The following NRL variants were observed in gnomAD, a reference collection of about 807,000 sequenced individuals.
NRL encodes neural retina-specific leucine zipper protein.
Under a neutral mutation model 12.5 loss-of-function variants are expected in NRL, and 16 were observed. That is an observed-to-expected ratio of 1.28 (90% CI 0.87 to 1.95). NRL has a LOEUF of 1.95. Among genes scored for constraint, NRL ranks in the 30% most tolerant of loss-of-function variants. NRL has a pLI of 0.00. For missense variants in NRL, 314 were observed against 325.8 expected, an observed-to-expected ratio of 0.96 and a Z score of 0.28; for synonymous variants, 142 against 150.9, an observed-to-expected ratio of 0.94 and a Z score of 0.43.
intron 1 of NRL, chr14:24,098,620 G>A (rs771882629): frequency 2.7e-5 from 44 of 1,613,910 alleles, no homozygotes; most frequent in Non-Finnish European, 3.1e-5. Context: ...TTCAGGCCCT[G>A]GGAGATGGTG....
intron 1 of NRL, among the ~76,000 whole-genome samples, chr14:24,087,891 A>G (rs2036504111): frequency 6.6e-6 from 1 of 152,170 alleles, no homozygotes; most frequent in Non-Finnish European, 1.5e-5. Flanking sequence ...AGCCTGGGCA[A>G]CATGGCAAAA....
At chr14:24,102,431 G>T (rs758471949) in intron 1 of NRL, among the ~76,000 whole-genome samples, 44 of 152,056 alleles carry the variant, frequency 2.9e-4, no homozygotes, top group Non-Finnish European at 5.1e-4. Context: ...ATAACCTTAT[G>T]CCCATATCTA....
chr14:24,081,590 A>G lies in NRL; in HGVS notation c.382-22T>C, dbSNP rs957144444. On this transcript the variant is annotated intron_variant, in intron 2 of 2. Transcript: ENST00000561028. This position sits in a 1 kb window ranked among gnomAD's most constrained non-coding sequence, Gnocchi z 4.4. ...CCAGCTGCGGAGGGAGAATGCAGAA[A>G]CCGGGTCAGCGCCAGGTCGCACCCG... 5.7e-6 allele frequency: 9 copies of G among 1,573,882 alleles called. No homozygotes were observed. The highest frequency in any genetic ancestry group is 6.9e-6 in the Non-Finnish European group (8 of 1,161,352).
intron 1 of NRL, among the ~76,000 whole-genome samples, chr14:24,086,593 C>T (rs777663887): frequency 1.3e-5 from 2 of 152,228 alleles, no homozygotes; most frequent in Non-Finnish European, 2.9e-5. Flanking sequence ...CCAAAGTGGA[C>T]ACCCAGGAAA....
rs758620885 is a variant in NRL, at chr14:24,082,808, T to G, written c.41A>C (p.Asn14Thr). The G allele has an allele frequency of 1.2e-6, 2 of 1,613,982 alleles. No homozygotes were observed. The highest frequency in any genetic ancestry group is 8.5e-7 in the Non-Finnish European group (1 of 1,179,996). ...PPSPLAMEYV[N>T]DFDLMKFEVK... ...CTCAAACTTCATCAAGTCAAAGTCA[T>G]TGACATATTCCATGGCCAGGGGGCT... Residue 14 changes from asparagine to threonine, a missense_variant, in exon 2 of 3, where the codon AAT (asparagine) becomes ACT (threonine). By Grantham distance (65) the Asn-to-Thr change is moderately conservative. Transcript: ENST00000561028.
At position 24,097,113 on chromosome 14, in the gene NRL, G is replaced by A. The variant is rs112490159; in HGVS notation, c.-27-14238C>T. The A allele has an allele frequency of 2.0e-5, 32 of 1,613,956 alleles. No homozygotes were observed. Among genetic ancestry groups the A allele is most frequent in the East Asian group, 1.3e-4 (6 of 44,882 alleles). On this transcript the variant is annotated intron_variant, in intron 1 of 2. Transcript: ENST00000561028. ...CTGCTGGAGCAGCAGGGCCTCATCC[G>A]AAAGCTCCCCAAGTACAATAACTGG...
At chr14:24,086,555 C>T (rs947883354) in intron 1 of NRL, among the ~76,000 whole-genome samples, 1 of 152,212 alleles carries the variant, frequency 6.6e-6, no homozygotes, top group Admixed American at 6.5e-5. Context: ...GGCAGGACCC[C>T]ACACACATGC....
intron 1 of NRL, among the ~76,000 whole-genome samples, chr14:24,096,331 C>T (rs941035903): frequency 2.8e-5 from 4 of 144,662 alleles, no homozygotes; most frequent in South Asian, 2.2e-4. Flanking sequence ...CTCCACCTCC[C>T]GGGTTCAAGC....
intron 1 of NRL, chr14:24,110,199 C>A (rs1429997796): frequency 5.9e-6 from 1 of 168,406 alleles, no homozygotes; most frequent in Non-Finnish European, 1.4e-5. Context: ...TGGCTCACTG[C>A]AGCCTTGACC....
At chr14:24,103,544 G>A (rs1192401422) in intron 1 of NRL, 1 of 1,565,282 alleles carries the variant, frequency 6.4e-7, no homozygotes, top group East Asian at 2.3e-5. Context: ...TTGCCATGCG[G>A]CCCTTTTTTG....
chr14:24,103,039 G>A (rs868742031), intron 1 of NRL: 9 of 1,198,898 alleles, frequency 7.5e-6, no homozygotes, highest in Middle Eastern at 1.9e-4. Context: ...AGGAGGCAAA[G>A]GGTCTGAAAA....
chr14:24,083,280 G>A (rs1375469831), intron 1 of NRL, among the ~76,000 whole-genome samples: 1 of 152,180 alleles, frequency 6.6e-6, no homozygotes. Flanking sequence ...CAAAGTGAGT[G>A]TATATTTTAG....
chr14:24,107,738 A>G (rs1442471842), intron 1 of NRL, among the ~76,000 whole-genome samples: 5 of 152,204 alleles, frequency 3.3e-5, no homozygotes, highest in Admixed American at 6.5e-5. Context: ...GTCTAAATGC[A>G]TTAACTCACT....
chr14:24,103,505 C>G lies in NRL; in HGVS notation c.-28+11217G>C, dbSNP rs751666369. Reference sequence around the variant, plus strand: ...GATTCCTTACCCATCTTGCTTCCCCCCCAGGGAAGATCATCATGCACGACC... The same window carrying G: ...GATTCCTTACCCATCTTGCTTCCCCGCCAGGGAAGATCATCATGCACGACC... On this transcript the variant is annotated intron_variant, in intron 1 of 2. Coordinates refer to ENST00000561028, the MANE Select transcript of NRL (RefSeq NM_001354768.3). The G allele has an allele frequency of 1.4e-5, 21 of 1,541,936 alleles. No individual in the cohort carries two copies. The highest frequency in any genetic ancestry group is 5.1e-5 in the South Asian group (4 of 78,808).
chr14:24,095,327 T>C (rs1387088505), intron 1 of NRL: 5 of 429,302 alleles, frequency 1.2e-5, no homozygotes, highest in Non-Finnish European at 2.4e-5. Flanking sequence ...GACTGTGTGC[T>C]TGAAAACTGA....
At chr14:24,083,059 G>A (rs2036369508) in intron 1 of NRL, among the ~76,000 whole-genome samples, 184 bp from the exon 2 acceptor site, 1 of 152,186 alleles carries the variant, frequency 6.6e-6, no homozygotes, top group Non-Finnish European at 1.5e-5. Flanking sequence ...AGAGGGCAGG[G>A]GCTCCTGACA....
Position 24,094,317 on chromosome 14 carries a change from C to A in NRL, c.-27-11442G>T, listed in dbSNP as rs1486039599. The A allele has an allele frequency of 1.5e-6, 2 of 1,324,286 alleles. No homozygotes were observed. Among genetic ancestry groups the A allele is most frequent in the Non-Finnish European group, 2.1e-6 (2 of 958,928 alleles). 82.0% of individuals were successfully genotyped at this position (1,324,286 alleles called of 1,614,324 possible). A position where few individuals can be genotyped will look rare whatever the true frequency, so the allele number is the denominator to read the frequency against. On this transcript the variant is annotated intron_variant, in intron 1 of 2. Coordinates refer to ENST00000561028, the MANE Select transcript of NRL (RefSeq NM_001354768.3). The surrounding 1 kb of genome is among the most constrained non-coding windows in gnomAD (Gnocchi z 4.1). Reference sequence around the variant, plus strand: ...CCTCCCGCCAGCCTCTGCTGTGGCTCGCTTCGCCGCGCTCCCTCCTTCCCC... The same window carrying A: ...CCTCCCGCCAGCCTCTGCTGTGGCTAGCTTCGCCGCGCTCCCTCCTTCCCC...
At chr14:24,099,478 C>A in intron 1 of NRL, 2 of 1,340,132 alleles carry the variant, frequency 1.5e-6, no homozygotes, top group Non-Finnish European at 2.1e-6. Context: ...CCCTATTAGA[C>A]CCTAGCTGCC....
Position 24,079,037 on chromosome 14 carries a change from T to C in NRL, c.*2199A>G, listed in dbSNP as rs980025425. Among the ~76,000 whole-genome samples, 2 of 152,204 alleles carry C rather than the reference T, an allele frequency of 1.3e-5. No homozygotes were observed. The highest frequency in any genetic ancestry group is 4.8e-5 in the African/African-American group (2 of 41,448). The stretch of plus-strand genomic sequence containing the variant: ...CCCAGGCTGGTCTCAAACTTCCTCC[T>C]TGGCCTCCCAAAGTGTTGGGATTAC... On this transcript the variant is annotated 3_prime_UTR_variant, in exon 3 of 3. Coordinates refer to ENST00000561028, the MANE Select transcript of NRL (RefSeq NM_001354768.3).
Sources: allele counts gnomAD v4.1 joint callset (sites outside exome capture counted in the v4.1 genomes callset), GRCh38; gene constraint gnomAD v4.1.1; non-coding constraint Gnocchi (gnomAD v3.1); transcripts MANE v1.5; gene names NCBI Gene and HGNC (gene_info 2026-07-23, HGNC 2026-07-21).